The following EPHA3 variants were observed in gnomAD, a reference collection of about 807,000 sequenced individuals.
The protein encoded by EPHA3 is ephrin type-A receptor 3.
EPHA3 carries 42 observed loss-of-function variants against 107.1 expected under a neutral mutation model. The observed-to-expected ratio is 0.39, with a 90% CI of 0.31 to 0.51. The LOEUF is 0.51. EPHA3 is among the 20% of genes least tolerant of loss of function. EPHA3 has a pLI of 0.78. For synonymous variants in EPHA3, 461 were observed against 424.8 expected, an observed-to-expected ratio of 1.09 and a Z score of -1.05; for missense variants, 1,183 against 1,211.2, an observed-to-expected ratio of 0.98 and a Z score of 0.35.
chr3:89,339,624 A>T (rs570584610), intron 3 of EPHA3, among the ~76,000 whole-genome samples: 23 of 152,302 alleles, frequency 1.5e-4, no homozygotes, highest in Admixed American at 1.1e-3. Flanking sequence ...TTTCAGTAAG[A>T]AGATAGTCTA....
chr3:89,411,773 G>A (rs557516837), intron 9 of EPHA3, among the ~76,000 whole-genome samples: 36 of 151,864 alleles, frequency 2.4e-4, no homozygotes, highest in African/African-American at 7.2e-4. Flanking sequence ...GAAAAACTGC[G>A]GGCATCTGCA....
intron 3 of EPHA3, among the ~76,000 whole-genome samples, chr3:89,310,680 T>C (rs1473801926): frequency 6.6e-6 from 1 of 151,896 alleles, no homozygotes; most frequent in Non-Finnish European, 1.5e-5. Context: ...GATGTCTATA[T>C]AGATATTCAT....
chr3:89,179,406 T>C (rs1032845414), intron 2 of EPHA3, among the ~76,000 whole-genome samples: 2 of 152,044 alleles, frequency 1.3e-5, no homozygotes, highest in African/African-American at 4.8e-5. Context: ...TTTGCCTTTA[T>C]TTTTCATATA....
At chr3:89,300,244 A>G (rs1363635884) in intron 3 of EPHA3, among the ~76,000 whole-genome samples, 1 of 151,996 alleles carries the variant, frequency 6.6e-6, no homozygotes, top group Non-Finnish European at 1.5e-5. Flanking sequence ...GTATTACTCC[A>G]GTTATATTTG....
At chr3:89,239,326 C>T (rs1339939848) in intron 3 of EPHA3, among the ~76,000 whole-genome samples, 2 of 152,146 alleles carry the variant, frequency 1.3e-5, no homozygotes, top group African/African-American at 2.4e-5. Flanking sequence ...CCAGTGATTT[C>T]ATTTCTTTCC....
chr3:89,392,036 G>T (rs1192741696), intron 5 of EPHA3, among the ~76,000 whole-genome samples: 1 of 151,900 alleles, frequency 6.6e-6, no homozygotes, highest in African/African-American at 2.4e-5. Context: ...TTGCTAACTT[G>T]CGTCAATGCC....
chr3:89,172,046 C>T (rs1705223513), intron 2 of EPHA3, among the ~76,000 whole-genome samples: 1 of 151,940 alleles, frequency 6.6e-6, no homozygotes, highest in Non-Finnish European at 1.5e-5. Context: ...CTTCTCTACT[C>T]CCCCACCACC....
chr3:89,338,547 T>C (rs111453747), intron 3 of EPHA3, among the ~76,000 whole-genome samples: 89 of 152,288 alleles, frequency 5.8e-4, no homozygotes, highest in African/African-American at 2.0e-3. Context: ...GACAAATATT[T>C]ATTTATTTAT....
chr3:89,235,814 TA>T (rs1211095489), intron 3 of EPHA3, among the ~76,000 whole-genome samples: 1 of 151,532 alleles, frequency 6.6e-6, no homozygotes, highest in Non-Finnish European at 1.5e-5. Context: ...TTTAAGAAAG[TA>T]AAAAAAGTTA....
At chr3:89,299,868 G>A (rs757832697) in intron 3 of EPHA3, among the ~76,000 whole-genome samples, 3 of 151,970 alleles carry the variant, frequency 2.0e-5, no homozygotes, top group Admixed American at 6.6e-5. Flanking sequence ...TTTGATAGCC[G>A]TAAGTAACGA....
chr3:89,441,117 G>A (rs6782737), intron 13 of EPHA3, among the ~76,000 whole-genome samples: 5,647 of 152,252 alleles, frequency 0.037, 360 homozygotes, highest in African/African-American at 0.13. Flanking sequence ...AAATTAAACA[G>A]GAAGGTCAAA....
intron 2 of EPHA3, among the ~76,000 whole-genome samples, chr3:89,151,772 G>A (rs776006120): frequency 6.6e-6 from 1 of 151,900 alleles, no homozygotes; most frequent in Non-Finnish European, 1.5e-5. Flanking sequence ...TTCTCTACAT[G>A]AGCATAATAG....
Position 89,255,355 on chromosome 3 carries a change from G to C in EPHA3, c.814+44835G>C, listed in dbSNP as rs1397561152. On this transcript the variant is annotated intron_variant, in intron 3 of 16. Transcript: ENST00000336596. ...AGAGAGAGAGAGCTGCCCTTAGTCT[G>C]TTCATTTGGGACTTCCCTTAAATTA... Among the ~76,000 whole-genome samples the C allele has an allele frequency of 5.9e-5, 9 of 152,272 alleles. No homozygotes were observed. The East Asian group carries it at 1.5e-3, about 26-fold the overall frequency.
chr3:89,200,804 A>G (rs1429211871), intron 2 of EPHA3, among the ~76,000 whole-genome samples: 2 of 152,124 alleles, frequency 1.3e-5, no homozygotes, highest in African/African-American at 4.8e-5. Context: ...TTTTTCTCCC[A>G]TATCCCAAAG....
At chr3:89,353,110 A>G (rs777394325) in intron 5 of EPHA3, among the ~76,000 whole-genome samples, 1 of 151,196 alleles carries the variant, frequency 6.6e-6, no homozygotes, top group Non-Finnish European at 1.5e-5. Flanking sequence ...AGGCTTCAGC[A>G]TTTCTGAAGA....
chr3:89,241,744 T>C (rs1192140938), intron 3 of EPHA3, among the ~76,000 whole-genome samples: 1 of 152,194 alleles, frequency 6.6e-6, no homozygotes, highest in Non-Finnish European at 1.5e-5. Context: ...ACATTCTTTG[T>C]TTCTCATCTG....
At chr3:89,181,493 A>G (rs138398983) in intron 2 of EPHA3, among the ~76,000 whole-genome samples, 522 of 152,062 alleles carry the variant, frequency 3.4e-3, no homozygotes, top group African/African-American at 0.012. Flanking sequence ...TGACAACCTC[A>G]GAAGGTGATG....
Position 89,407,387 on chromosome 3 carries a change from G to C in EPHA3, c.1697+16G>C. On this transcript the variant is annotated intron_variant, in intron 8 of 16. Transcript: ENST00000336596. ...TGATTGGGAGGTGAGTTCACAGTCT[G>C]TTTCACTATTCACTTTCTTTGTTGC... The C allele has an allele frequency of 1.3e-6, 2 of 1,594,996 alleles. No homozygotes were observed. The highest frequency in any genetic ancestry group is 1.7e-6 in the Non-Finnish European group (2 of 1,163,338).
At chr3:89,132,282 T>C (rs142363029) in intron 2 of EPHA3, among the ~76,000 whole-genome samples, 1 of 152,318 alleles carries the variant, frequency 6.6e-6, no homozygotes, top group African/African-American at 2.4e-5. Context: ...AAAGAATGCC[T>C]CTTCTTTGTT....
Sources: gnomAD v4.1 joint callset for allele counts (sites outside exome capture counted in the v4.1 genomes callset) on GRCh38, gnomAD v4.1.1 for gene constraint, MANE v1.5 for transcripts, NCBI Gene and HGNC (gene_info 2026-07-23, HGNC 2026-07-21) for gene names.